Variants in TNFSF11 observed in about 807,000 individuals in gnomAD.
The protein encoded by TNFSF11 is TNF superfamily member 11, also known as tumor necrosis factor ligand superfamily member 11.
TNFSF11 carries 12 observed loss-of-function variants against 32.2 expected under a neutral mutation model. The observed-to-expected ratio is 0.37, with a 90% CI of 0.24 to 0.60. TNFSF11 has a LOEUF of 0.60. TNFSF11 is among the 20% of genes least tolerant of loss of function. TNFSF11 has a pLI of 0.66. For missense variants in TNFSF11, 345 were observed against 398.0 expected, an observed-to-expected ratio of 0.87 and a Z score of 1.13; for synonymous variants, 172 against 152.1, an observed-to-expected ratio of 1.13 and a Z score of -0.96.
chr13:42,593,423 G>A (rs1868615606), intron 2 of TNFSF11, among the ~76,000 whole-genome samples: 1 of 152,170 alleles, frequency 6.6e-6, no homozygotes, highest in South Asian at 2.1e-4. Flanking sequence ...GGATCACTTT[G>A]AGGAGGGCAG....
At chr13:42,605,765 T>C (rs1869420877) in intron 4 of TNFSF11, among the ~76,000 whole-genome samples, 1 of 152,212 alleles carries the variant, frequency 6.6e-6, no homozygotes, top group African/African-American at 2.4e-5. Context: ...TATGTTCTTT[T>C]TGAGCTTCTC....
At chr13:42,577,342 C>T (rs1873370239) in intron 1 of TNFSF11, among the ~76,000 whole-genome samples, 1 of 152,076 alleles carries the variant, frequency 6.6e-6, no homozygotes, top group South Asian at 2.1e-4. Flanking sequence ...GAATCAGCCT[C>T]CTAAATGTTT....
chr13:42,590,405 G>A (rs8002449), intron 2 of TNFSF11, among the ~76,000 whole-genome samples: 123,710 of 152,166 alleles, frequency 0.81, 50,455 homozygotes, highest in Middle Eastern at 0.89. Flanking sequence ...CCTTGGGGTT[G>A]GGGGTGCTCC....
upstream of TNFSF11, among the ~76,000 whole-genome samples, chr13:42,570,204 C>T (rs1460076088): frequency 6.6e-6 from 1 of 152,156 alleles, no homozygotes; most frequent in Non-Finnish European, 1.5e-5. Context: ...AATTCCTTAT[C>T]CTTCTCATAT....
chr13:42,581,244 C>A lies in TNFSF11; in HGVS notation c.338C>A (p.Pro113His), dbSNP rs749448531. The change falls in exon 2 of 5, where the codon CCT becomes CAT. Residue 113 changes from proline to histidine, a missense_variant. Coordinates refer to ENST00000398795, the MANE Select transcript of TNFSF11 (RefSeq NM_003701.4). ...GAGAGTCAAGATACAAAATTAATAC[C>A]TGATTCATGTAGGAGAATTAAACAG... The part of the protein sequence containing the change: ...TLESQDTKLI[P>H]DSCRRIKQAF... 4 of 1,613,890 alleles carry A rather than the reference C, an allele frequency of 2.5e-6. No individual in the cohort carries two copies. The African/African-American group carries it at 5.3e-5, about 22-fold the overall frequency.
rs71202227 is a variant in TNFSF11, at chr13:42,583,444, G to GAAAAAAAAAAAAAAA, written c.387+2153_387+2154insAAAAAAAAAAAAAAA. On this transcript the variant is annotated intron_variant, in intron 2 of 4. Coordinates refer to ENST00000398795, the MANE Select transcript of TNFSF11 (RefSeq NM_003701.4). ...AAAAAAAAAAAAAAAAAAAAGAAAGGAAGAAAGGAAGGAAGGAAAAAGATT... is the reference window on the plus strand; with the variant it reads ...AAAAAAAAAAAAAAAAAAAAGAAAGGAAAAAAAAAAAAAAAAAGAAAGGAAGGAAGGAAAAAGATT... Among the ~76,000 whole-genome samples the GAAAAAAAAAAAAAAA allele has an allele frequency of 2.4e-3, 226 of 95,560 alleles. 7 individuals are homozygous for GAAAAAAAAAAAAAAA. The highest frequency in any genetic ancestry group is 5.5e-3 in the African/African-American group (118 of 21,510). 62.7% of individuals were successfully genotyped at this position (95,560 alleles called of 152,430 possible).
intron 2 of TNFSF11, among the ~76,000 whole-genome samples, chr13:42,589,454 A>T (rs1193391577): frequency 6.6e-6 from 1 of 152,150 alleles, no homozygotes; most frequent in Non-Finnish European, 1.5e-5. Flanking sequence ...GAAAATGCAC[A>T]TCTGAACAGG....
intron 4 of TNFSF11, among the ~76,000 whole-genome samples, chr13:42,601,954 C>A (rs550668326): frequency 1.3e-5 from 2 of 152,190 alleles, no homozygotes; most frequent in African/African-American, 2.4e-5. Flanking sequence ...GTAGAATTCC[C>A]GTCCCGTTGA....
At chr13:42,583,807 A>G (rs1388298022) in intron 2 of TNFSF11, among the ~76,000 whole-genome samples, 10 of 152,158 alleles carry the variant, frequency 6.6e-5, no homozygotes, top group Admixed American at 6.5e-4. Flanking sequence ...GTTGTTCTGA[A>G]GGTGCCAGCT....
At chr13:42,568,199 C>CGTAA (rs1872937143) in intron 2 of TNFSF11, among the ~76,000 whole-genome samples, 1 of 152,228 alleles carries the variant, frequency 6.6e-6, no homozygotes, top group South Asian at 2.1e-4. Context: ...TGCATGCTTA[C>CGTAA]ACCCTTTCAT....
intron 2 of TNFSF11, among the ~76,000 whole-genome samples, chr13:42,593,034 A>T (rs1340854031): frequency 6.6e-6 from 1 of 152,156 alleles, no homozygotes; most frequent in Non-Finnish European, 1.5e-5. Flanking sequence ...GTGAAAACAG[A>T]CTAATACAGG....
At chr13:42,574,639 G>T in intron 1 of TNFSF11, 117 bp downstream of exon 1, 1 of 1,261,272 alleles carries the variant, frequency 7.9e-7, no homozygotes. Flanking sequence ...ATTCCGGAAG[G>T]GAAAGTGACT....
chr13:42,592,079 T>A (rs1196296662), intron 2 of TNFSF11, among the ~76,000 whole-genome samples: 3 of 152,176 alleles, frequency 2.0e-5, no homozygotes. Context: ...TTCTCTGTAC[T>A]CTCATAACCT....
intron 1 of TNFSF11, among the ~76,000 whole-genome samples, chr13:42,580,893 A>G (rs958278575): frequency 6.6e-6 from 1 of 152,228 alleles, no homozygotes; most frequent in African/African-American, 2.4e-5. Context: ...CATTGTTAAA[A>G]GCCCATCGCA....
chr13:42,590,757 C>T (rs1874130667), intron 2 of TNFSF11, among the ~76,000 whole-genome samples: 1 of 152,182 alleles, frequency 6.6e-6, no homozygotes, highest in Admixed American at 6.5e-5. Context: ...ACATTGCTGT[C>T]ATAAGACTAC....
At chr13:42,582,242 C>CA (rs1873651943) in intron 2 of TNFSF11, among the ~76,000 whole-genome samples, 1 of 152,050 alleles carries the variant, frequency 6.6e-6, no homozygotes, top group African/African-American at 2.4e-5. Context: ...AAAAAGAGGA[C>CA]ATGTGTCAGA....
intron 2 of TNFSF11, among the ~76,000 whole-genome samples, chr13:42,567,392 A>G (rs1872907462): frequency 6.6e-6 from 1 of 152,246 alleles, no homozygotes; most frequent in Non-Finnish European, 1.5e-5. Flanking sequence ...AGCATTGTGC[A>G]CAGAAGAGAT....
At chr13:42,590,310 C>T (rs1291739813) in intron 2 of TNFSF11, among the ~76,000 whole-genome samples, 1 of 152,206 alleles carries the variant, frequency 6.6e-6, no homozygotes, top group Non-Finnish European at 1.5e-5. Context: ...TCTTAAGGGG[C>T]TGGAGGTCAC....
chr13:42,570,300 G>T (rs987389925), upstream of TNFSF11, among the ~76,000 whole-genome samples: 1 of 152,078 alleles, frequency 6.6e-6, no homozygotes, highest in Non-Finnish European at 1.5e-5. Flanking sequence ...TTAATTCCCT[G>T]GCTCAAAGGA....
Sources: gnomAD v4.1 joint callset for allele counts (sites outside exome capture counted in the v4.1 genomes callset) on GRCh38, gnomAD v4.1.1 for gene constraint, MANE v1.5 for transcripts, NCBI Gene and HGNC (gene_info 2026-07-23, HGNC 2026-07-21) for gene names.